Variants in CEACAM6 observed in about 807,000 individuals in gnomAD.
CEACAM6 encodes the protein CEA cell adhesion molecule 6.
CEACAM6 carries 21 observed loss-of-function variants against 32.4 expected under a neutral mutation model. The ratio of observed to expected loss-of-function variants is 0.65; its 90% CI spans 0.46 to 0.93. The LOEUF (loss-of-function observed/expected upper bound fraction) is 0.93, where lower values mean the gene tolerates loss of function less well. CEACAM6 is among the 40% of genes least tolerant of loss of function. The pLI, the probability that CEACAM6 is intolerant of heterozygous loss-of-function variation, is 0.00. For missense variants in CEACAM6, 406 were observed against 432.2 expected, an observed-to-expected ratio of 0.94 and a Z score of 0.54; for synonymous variants, 184 against 174.4, an observed-to-expected ratio of 1.06 and a Z score of -0.43.
rs1600494559 is a variant in CEACAM6, at chr19:41,756,922, T to C, written c.387T>C (p.Leu129=). 6.2e-7 allele frequency: 1 copy of C among 1,613,228 alleles called. No homozygotes were observed. The highest frequency in any genetic ancestry group is 2.2e-5 in the East Asian group (1 of 44,878). Residue 129 remains leucine, a synonymous_variant, in exon 2 of 6, where the codon CTT becomes CTC. Coordinates refer to ENST00000199764, the MANE Select transcript of CEACAM6 (RefSeq NM_002483.7). ...CCCTACAAGTCATAAAGTCAGATCT[T>C]GTGAATGAAGAAGCAACCGGACAGT... The part of the protein sequence containing the change: ...FYTLQVIKSD[L]VNEEATGQFH...
In CEACAM6 at chr19:41,771,442, CTTG is replaced by C. The variant is rs1490805533; in HGVS notation, c.*688_*690del. ...GGAGGAGTCTGTGCAGTTTCTGACA[CTTG>C]TTGTTGAACATGGCTAAATACAATG... On this transcript the variant is annotated 3_prime_UTR_variant, in exon 6 of 6. Coordinates refer to ENST00000199764, the MANE Select transcript of CEACAM6 (RefSeq NM_002483.7). 1.2e-4 allele frequency: 18 copies of C among 152,350 alleles called. No individual in the cohort carries two copies. The highest frequency in any genetic ancestry group is 4.1e-4 in the African/African-American group (17 of 41,582). The allele number at this position is 152,350 out of a possible 1,614,324, so 9.4% of individuals were successfully genotyped here. A position where few individuals can be genotyped will look rare whatever the true frequency, so the allele number is the denominator to read the frequency against.
At chr19:41,763,378 C>A (rs1444543009) in intron 4 of CEACAM6, among the ~76,000 whole-genome samples, 4 of 152,146 alleles carry the variant, frequency 2.6e-5, no homozygotes, top group Non-Finnish European at 5.9e-5. Flanking sequence ...CCTTAAATAG[C>A]AAAGCCTCAG....
rs553315486 is a variant in CEACAM6 at position 41,759,621 on chromosome 19, A to G, written c.425-1628A>G. Among the ~76,000 whole-genome samples, 3 of 152,300 alleles carry G rather than the reference A, an allele frequency of 2.0e-5. No individual in the cohort carries two copies. The East Asian group carries it at 5.8e-4, about 29-fold the overall frequency. On this transcript the variant is annotated intron_variant, in intron 2 of 5. Coordinates refer to ENST00000199764, the MANE Select transcript of CEACAM6 (RefSeq NM_002483.7). The stretch of plus-strand genomic sequence containing the variant: ...TTCAGCATCTTCATTTGACGACAAT[A>G]TGATCCTGCTGGAATTCACAGCACA...
intron 4 of CEACAM6, among the ~76,000 whole-genome samples, chr19:41,763,743 G>T (rs1407307470): frequency 6.6e-6 from 1 of 152,200 alleles, no homozygotes; most frequent in Non-Finnish European, 1.5e-5. Flanking sequence ...GCCTGCAGAG[G>T]AATCAAAGGT....
chr19:41,762,042 C>T lies in CEACAM6; in HGVS notation c.777C>T (p.Cys259=), dbSNP rs139194969. 176 of 1,614,208 alleles carry T rather than the reference C, an allele frequency of 1.1e-4. No homozygotes were observed. In the African/African-American group the frequency reaches 2.2e-3, roughly 20 times the overall value. Residue 259 remains cysteine (C), a synonymous_variant, in exon 4 of 6, where the codon TGC becomes TGT. Coordinates refer to ENST00000199764, the MANE Select transcript of CEACAM6 (RefSeq NM_002483.7). ...YRPGENLNLS[C]HAASNPPAQY... Reference sequence around the variant, plus strand: ...CAGGGGAAAATCTGAACCTCTCCTGCCACGCAGCCTCTAACCCACCTGCAC... The same window carrying T: ...CAGGGGAAAATCTGAACCTCTCCTGTCACGCAGCCTCTAACCCACCTGCAC...
intron 2 of CEACAM6, among the ~76,000 whole-genome samples, chr19:41,757,162 C>T (rs782648348): frequency 1.3e-5 from 2 of 152,086 alleles, no homozygotes; most frequent in South Asian, 2.1e-4. Context: ...TGCAGACACT[C>T]GCTGCAGAGG....
rs369397467 is a variant in CEACAM6, at chr19:41,761,236, G to C, written c.425-13G>C. The C allele has an allele frequency of 6.2e-7, 1 of 1,614,082 alleles. No individual in the cohort carries two copies. Among genetic ancestry groups the C allele is most frequent in the Non-Finnish European group, 8.5e-7 (1 of 1,180,044 alleles). ...TGCCACACAGGGCAATCTTCTCTCT[G>C]TTTTCTGCACAGCGGAGCTGCCCAA... On this transcript the variant is annotated splice_polypyrimidine_tract_variant and intron_variant, in intron 2 of 5. Transcript: ENST00000199764.
In CEACAM6 at chr19:41,756,639, A is replaced by T. The variant is rs2072887626; in HGVS notation, c.104A>T (p.Lys35Met). 1 of 1,613,890 alleles carries T rather than the reference A, an allele frequency of 6.2e-7. No homozygotes were observed. The highest frequency in any genetic ancestry group is 1.7e-5 in the Admixed American group (1 of 59,996). The change falls in exon 2 of 6, where the codon AAG (lysine) becomes ATG (methionine). Residue 35 changes from lysine to methionine, a missense_variant. By Grantham distance (95) the Lys-to-Met change is moderately conservative. Transcript: ENST00000199764. Reference sequence around the variant, plus strand: ...TTCTGGAACCCACCCACCACTGCCAAGCTCACTATTGAATCCACGCCGTTC... The same window carrying T: ...TTCTGGAACCCACCCACCACTGCCATGCTCACTATTGAATCCACGCCGTTC... The part of the protein sequence containing the change: ...LTFWNPPTTA[K>M]LTIESTPFNV...
chr19:41,767,052 A>G (rs2072961016), intron 5 of CEACAM6, among the ~76,000 whole-genome samples: 1 of 150,632 alleles, frequency 6.6e-6, no homozygotes, highest in African/African-American at 2.4e-5. Context: ...GCTCTGGCCT[A>G]CTAGTTAAGT....
chr19:41,768,298 ACTC>A (rs1440278945), intron 5 of CEACAM6, among the ~76,000 whole-genome samples: 3 of 152,006 alleles, frequency 2.0e-5, no homozygotes, highest in African/African-American at 7.3e-5. Flanking sequence ...AGTGGTGATG[ACTC>A]TTAACGAGCA....
chr19:41,759,157 T>G (rs1334469939), intron 2 of CEACAM6, among the ~76,000 whole-genome samples: 1 of 152,196 alleles, frequency 6.6e-6, no homozygotes, highest in Non-Finnish European at 1.5e-5. Flanking sequence ...CTTCCCCAGG[T>G]GGAGCCGGCC....
At chr19:41,761,123 A>G in intron 2 of CEACAM6, 126 bp from the exon 3 acceptor site, 3 of 1,542,142 alleles carry the variant, frequency 1.9e-6, no homozygotes, top group Non-Finnish European at 2.6e-6. Context: ...TGACACACAC[A>G]CCTGCCAGGG....
chr19:41,756,568 A>G (rs1555821052), intron 1 of CEACAM6, 32 bp from the exon 2 acceptor site: 1 of 1,600,080 alleles, frequency 6.2e-7, no homozygotes, highest in Admixed American at 1.7e-5. Context: ...CATAGGTCCC[A>G]ATATTGACCG....
At chr19:41,759,619 A>G (rs2072910825) in intron 2 of CEACAM6, among the ~76,000 whole-genome samples, 1 of 152,178 alleles carries the variant, frequency 6.6e-6, no homozygotes, top group Non-Finnish European at 1.5e-5. Flanking sequence ...TTTGACGACA[A>G]TATGATCCTG....
At chr19:41,769,803 T>C (rs1330020142) in intron 5 of CEACAM6, among the ~76,000 whole-genome samples, 2 of 147,980 alleles carry the variant, frequency 1.4e-5, no homozygotes, top group Non-Finnish European at 3.0e-5. Context: ...TTTATTAATA[T>C]TTATTAATAA....
chr19:41,761,481 C>T lies in CEACAM6; in HGVS notation c.657C>T (p.Asn219=). ...DAGSYECEIQ[N]PASANRSDPV... ...GATCCTATGAATGTGAAATACAGAACCCAGCGAGTGCCAACCGCAGTGACC... is the reference window on the plus strand; with the variant it reads ...GATCCTATGAATGTGAAATACAGAATCCAGCGAGTGCCAACCGCAGTGACC... The change falls in exon 3 of 6, where the codon AAC becomes AAT. Residue 219 remains asparagine, a synonymous_variant. Transcript: ENST00000199764. 1.2e-6 allele frequency: 2 copies of T among 1,614,182 alleles called. No individual in the cohort carries two copies. Among genetic ancestry groups the T allele is most frequent in the African/African-American group, 1.3e-5 (1 of 75,040 alleles).
chr19:41,765,428 A>G (rs1490406994), intron 4 of CEACAM6, among the ~76,000 whole-genome samples: 1 of 152,214 alleles, frequency 6.6e-6, no homozygotes, highest in Non-Finnish European at 1.5e-5. Flanking sequence ...GAGGAAAAAC[A>G]GTGCAAAGAA....
At chr19:41,755,797 G>A in intron 1 of CEACAM6, 95 bp downstream of exon 1, 1 of 1,053,092 alleles carries the variant, frequency 9.5e-7, no homozygotes, top group Non-Finnish European at 1.4e-6. Flanking sequence ...AGGAGACAGA[G>A]GGCTTTTGTT....
chr19:41,765,533 A>C (rs1480438053), intron 4 of CEACAM6, among the ~76,000 whole-genome samples: 3 of 152,220 alleles, frequency 2.0e-5, no homozygotes, highest in Non-Finnish European at 4.4e-5. Flanking sequence ...CCATGAGGGA[A>C]GGTGGAGCAG....
Sources: gnomAD v4.1 joint callset for allele counts (sites outside exome capture counted in the v4.1 genomes callset) on GRCh38, gnomAD v4.1.1 for gene constraint, MANE v1.5 for transcripts, NCBI Gene and HGNC (gene_info 2026-07-23, HGNC 2026-07-21) for gene names.